The following TRIM72 variants were observed in gnomAD, a reference collection of about 807,000 sequenced individuals.
TRIM72 encodes tripartite motif-containing protein 72.
TRIM72 carries 33 observed loss-of-function variants against 31.6 expected under a neutral mutation model. The ratio of observed to expected loss-of-function variants is 1.04; its 90% CI spans 0.79 to 1.40. The LOEUF (loss-of-function observed/expected upper bound fraction) is 1.40, where lower values mean the gene tolerates loss of function less well. Ranked by LOEUF, TRIM72 falls within the 40% of genes most tolerant of loss-of-function variation. TRIM72 has a pLI of 0.00. For synonymous variants in TRIM72, 301 were observed against 314.4 expected, an observed-to-expected ratio of 0.96 and a Z score of 0.45; for missense variants, 666 against 682.7, an observed-to-expected ratio of 0.98 and a Z score of 0.27.
rs2079557746 is a variant in TRIM72 at position 31,227,301 on chromosome 16, A to C, written c.*2546A>C. 6.6e-6 allele frequency: 1 copy of C among 152,234 alleles called. No individual in the cohort carries two copies. Among genetic ancestry groups the C allele is most frequent in the East Asian group, 1.9e-4 (1 of 5,202 alleles). The allele number at this position is 152,234 out of a possible 1,614,324, so 9.4% of individuals were successfully genotyped here. A position where few individuals can be genotyped will look rare whatever the true frequency, so the allele number is the denominator to read the frequency against. On this transcript the variant is annotated 3_prime_UTR_variant, in exon 7 of 7. Coordinates refer to ENST00000322122, the MANE Select transcript of TRIM72 (RefSeq NM_001008274.4). ...CGGGACTCAGTTGCTCAAAACTTTC[A>C]ACAACTCCCTCTTGCCTACAGGATA...
rs1596944280 is a variant in TRIM72 at position 31,224,927 on chromosome 16, A to G, written c.*172A>G. On this transcript the variant is annotated 3_prime_UTR_variant, in exon 7 of 7. Transcript: ENST00000322122. ...TGGGGTAGGACTGGCTTGGTGGCTC[A>G]TGCCTGTAATCCCAGCACTTTGGGA... 6.4e-6 allele frequency: 4 copies of G among 629,006 alleles called. No individual in the cohort carries two copies. Among genetic ancestry groups the G allele is most frequent in the African/African-American group, 1.9e-5 (1 of 52,402 alleles). The allele number at this position is 629,006 out of a possible 1,614,324, so 39.0% of individuals were successfully genotyped here.
chr16:31,222,074 C>T (rs372548040), intron 5 of TRIM72, among the ~76,000 whole-genome samples: 1 of 152,118 alleles, frequency 6.6e-6, no homozygotes. Context: ...AGGCTTGGAC[C>T]TTATCCCAAC....
chr16:31,224,135 A>T lies in TRIM72; in HGVS notation c.860-46A>T, dbSNP rs2079544872. 1.9e-6 allele frequency: 3 copies of T among 1,578,954 alleles called. No homozygotes were observed. In the East Asian group the frequency reaches 6.8e-5, roughly 36 times the overall value. Reference sequence around the variant, plus strand: ...CTGCAATTGGTTGGGAGAAGACCCCAGCGAGGCAGAAACCTAGGGTTTTCT... The same window carrying T: ...CTGCAATTGGTTGGGAGAAGACCCCTGCGAGGCAGAAACCTAGGGTTTTCT... On this transcript the variant is annotated intron_variant, in intron 6 of 6. Transcript: ENST00000322122.
At chr16:31,221,523 AGGGAGAAGGGCATTGTG>A (rs1217841452) in intron 5 of TRIM72, among the ~76,000 whole-genome samples, 22 of 82,662 alleles carry the variant, frequency 2.7e-4, no homozygotes, top group African/African-American at 7.1e-4. Context: ...AGGGCATTGC[AGGGAGAAGGGCATTGTG>A]GGGAGAAGGG....
Position 31,224,618 on chromosome 16 carries a change from G to A in TRIM72, c.1297G>A (p.Asp433Asn), listed in dbSNP as rs1395781107. 1.3e-6 allele frequency: 2 copies of A among 1,551,720 alleles called. No individual in the cohort carries two copies. The highest frequency in any genetic ancestry group is 2.4e-5 in the East Asian group (1 of 41,746). ...VLSFYDASDADALVPLFAFHE... is the reference protein window; with the variant it reads ...VLSFYDASDANALVPLFAFHE... ...CTCCTTCTACGATGCCAGCGACGCCGACGCGCTCGTGCCGCTTTTTGCCTT... is the reference window on the plus strand; with the variant it reads ...CTCCTTCTACGATGCCAGCGACGCCAACGCGCTCGTGCCGCTTTTTGCCTT... Residue 433 changes from aspartate to asparagine, a missense_variant, in exon 7 of 7, where the codon GAC (aspartate) becomes AAC (asparagine). Asp to Asn is a conservative substitution (Grantham distance 23, BLOSUM62 1). Coordinates refer to ENST00000322122, the MANE Select transcript of TRIM72 (RefSeq NM_001008274.4).
Position 31,219,633 on chromosome 16 carries a change from C to T in TRIM72, c.717+114C>T. 1.0e-6 allele frequency: 1 copy of T among 982,772 alleles called. No homozygotes were observed. Among genetic ancestry groups the T allele is most frequent in the African/African-American group, 1.7e-5 (1 of 60,310 alleles). 60.9% of individuals were successfully genotyped at this position (982,772 alleles called of 1,614,324 possible). On this transcript the variant is annotated intron_variant, in intron 4 of 6. Coordinates refer to ENST00000322122, the MANE Select transcript of TRIM72 (RefSeq NM_001008274.4). The surrounding 1 kb of genome is among the most constrained non-coding windows in gnomAD (Gnocchi z 4.2). ...GCAGGGATAAGCCAGCAGCACACAG[C>T]CGGGAGGGGCAGGCCTCAGGACTGC...
Position 31,219,423 on chromosome 16 carries a change from G to A in TRIM72, c.621G>A (p.Arg207=). Reference sequence around the variant, plus strand: ...GTGAGGCAGGGGTCGCCTTGCGCCGGGAGCTGGGGAGCCTGAACTCTTACC... The same window carrying A: ...GTGAGGCAGGGGTCGCCTTGCGCCGAGAGCTGGGGAGCCTGAACTCTTACC... The part of the protein sequence containing the change: ...VRGEAGVALR[R]ELGSLNSYLE... The change falls in exon 4 of 7, where the codon CGG becomes CGA. Residue 207 remains arginine (R), a synonymous_variant. Transcript: ENST00000322122. The surrounding 1 kb of genome is among the most constrained non-coding windows in gnomAD (Gnocchi z 4.2). 1 of 1,613,298 alleles carries A rather than the reference G, an allele frequency of 6.2e-7. No individual in the cohort carries two copies. The highest frequency in any genetic ancestry group is 1.1e-5 in the South Asian group (1 of 91,058).
At position 31,222,861 on chromosome 16, in the gene TRIM72, G is replaced by A. The variant is rs775787122; in HGVS notation, c.775G>A (p.Ala259Thr). The change falls in exon 6 of 7, where the codon GCC becomes ACC. Residue 259 changes from alanine to threonine, a missense_variant. By Grantham distance (58) the Ala-to-Thr change is moderately conservative. Coordinates refer to ENST00000322122, the MANE Select transcript of TRIM72 (RefSeq NM_001008274.4). ...GATCCTGGCAGAGTCTCCCCCACCC[G>A]CCCGTCTGGACATCCAGCTGCCAAT... ...QKILAESPPP[A>T]RLDIQLPIIS... is the part of the protein sequence containing the mutation. The A allele has an allele frequency of 2.3e-5, 24 of 1,023,826 alleles. No individual in the cohort carries two copies. The highest frequency in any genetic ancestry group is 1.3e-4 in the African/African-American group (5 of 37,704). The allele number at this position is 1,023,826 out of a possible 1,614,324, so 63.4% of individuals were successfully genotyped here.
chr16:31,217,018 T>C (rs761070959), intron 2 of TRIM72: 3 of 1,612,340 alleles, frequency 1.9e-6, no homozygotes, highest in Admixed American at 1.7e-5. Flanking sequence ...GGCCTCGCGC[T>C]TCGTTCCCAT....
intron 2 of TRIM72, chr16:31,217,378 A>G (rs2079515075): frequency 4.4e-6 from 1 of 228,466 alleles, no homozygotes. Flanking sequence ...ATGGTTGCTC[A>G]TGCTTGTAGT....
rs982271982 is a variant in TRIM72, at chr16:31,230,741, A to AAG, written c.*5987_*5988insGA. 8 of 151,214 alleles carry AAG rather than the reference A, an allele frequency of 5.3e-5. No homozygotes were observed. The highest frequency in any genetic ancestry group is 1.9e-4 in the African/African-American group (8 of 41,180). 9.4% of individuals were successfully genotyped at this position (151,214 alleles called of 1,614,324 possible). A position where few individuals can be genotyped will look rare whatever the true frequency, so the allele number is the denominator to read the frequency against. On this transcript the variant is annotated 3_prime_UTR_variant, in exon 7 of 7. Coordinates refer to ENST00000322122, the MANE Select transcript of TRIM72 (RefSeq NM_001008274.4). ...ACTCCGCCTCAAAAAAAAAAAAAAA[A>AAG]AAAGGTAACCGGACTCTTTGTTCAG...
rs1288507691 is a variant in TRIM72 at position 31,216,494 on chromosome 16, A to C, written c.390+1366A>C. On this transcript the variant is annotated intron_variant, in intron 2 of 6. Coordinates refer to ENST00000322122, the MANE Select transcript of TRIM72 (RefSeq NM_001008274.4). This position sits in a 1 kb window ranked among gnomAD's most constrained non-coding sequence, Gnocchi z 6.7. Reference sequence around the variant, plus strand: ...CAACCTTGCCCGTCTTTATCTGCGAAGAAAGCACAGAACCCATGAAACGGA... The same window carrying C: ...CAACCTTGCCCGTCTTTATCTGCGACGAAAGCACAGAACCCATGAAACGGA... 2.4e-6 allele frequency: 1 copy of C among 416,620 alleles called. No homozygotes were observed. The highest frequency in any genetic ancestry group is 4.2e-6 in the Non-Finnish European group (1 of 236,300). The allele number at this position is 416,620 out of a possible 1,614,324, so 25.8% of individuals were successfully genotyped here. A position where few individuals can be genotyped will look rare whatever the true frequency, so the allele number is the denominator to read the frequency against.
At chr16:31,214,709 T>A (rs1480258921) in intron 1 of TRIM72, 23 bp from the exon 2 acceptor site, 1 of 1,544,594 alleles carries the variant, frequency 6.5e-7, no homozygotes, top group African/African-American at 1.4e-5. Context: ...GGGGTCCCCC[T>A]AACCTACTCC....
At chr16:31,217,115 G>T in intron 2 of TRIM72, 1 of 1,392,148 alleles carries the variant, frequency 7.2e-7, no homozygotes, top group Non-Finnish European at 9.8e-7. Context: ...CCGCCCCCGG[G>T]GATGTCCCGG....
rs2079549794 is a variant in TRIM72 at position 31,224,816 on chromosome 16, CG to C, written c.*64del. 7.9e-6 allele frequency: 11 copies of C among 1,390,570 alleles called. No homozygotes were observed. The highest frequency in any genetic ancestry group is 1.0e-5 in the Non-Finnish European group (11 of 1,072,938). The allele number at this position is 1,390,570 out of a possible 1,614,324, so 86.1% of individuals were successfully genotyped here. On this transcript the variant is annotated 3_prime_UTR_variant, in exon 7 of 7. Coordinates refer to ENST00000322122, the MANE Select transcript of TRIM72 (RefSeq NM_001008274.4). ...GGGTTGAAGCTTAGGTCTCCTTGGTCGGGTCTGACGGGAGAAGGGTGGGGAG... is the reference window on the plus strand; with the variant it reads ...GGGTTGAAGCTTAGGTCTCCTTGGTCGGTCTGACGGGAGAAGGGTGGGGAG...
At position 31,216,518 on chromosome 16, in the gene TRIM72, G is replaced by A. The variant is rs1399114832; in HGVS notation, c.390+1390G>A. 4 of 535,220 alleles carry A rather than the reference G, an allele frequency of 7.5e-6. No homozygotes were observed. Among genetic ancestry groups the A allele is most frequent in the Non-Finnish European group, 1.3e-5 (4 of 303,556 alleles). 33.2% of individuals were successfully genotyped at this position (535,220 alleles called of 1,614,324 possible). On this transcript the variant is annotated intron_variant, in intron 2 of 6. Transcript: ENST00000322122. The surrounding 1 kb of genome is among the most constrained non-coding windows in gnomAD (Gnocchi z 6.7). ...AAGAAAGCACAGAACCCATGAAACG[G>A]AACAGGGCCCAGGCAGCCCAGGAGC...
At chr16:31,222,485 T>C (rs1345200670) in intron 5 of TRIM72, among the ~76,000 whole-genome samples, 1 of 143,150 alleles carries the variant, frequency 7.0e-6, no homozygotes, top group African/African-American at 2.6e-5. Flanking sequence ...TCTTCTTCTT[T>C]TTTTTTTTTT....
intron 6 of TRIM72, among the ~76,000 whole-genome samples, chr16:31,223,632 G>T (rs995029639): frequency 6.6e-6 from 1 of 152,140 alleles, no homozygotes; most frequent in African/African-American, 2.4e-5. Context: ...GGCCAGGCTC[G>T]GTGGCTCACG....
Position 31,216,856 on chromosome 16 carries a change from G to A in TRIM72, c.390+1728G>A, listed in dbSNP as rs1207869453. The A allele has an allele frequency of 6.2e-7, 1 of 1,613,740 alleles. No homozygotes were observed. Among genetic ancestry groups the A allele is most frequent in the Admixed American group, 1.7e-5 (1 of 60,008 alleles). ...GGCTGCGTAGTCCTCGTAGTAGGAG[G>A]CGACCAGCTTGTCGGTGAGGTCCAC... is the stretch of plus-strand genomic sequence containing the variant. On this transcript the variant is annotated intron_variant, in intron 2 of 6. Transcript: ENST00000322122. The surrounding 1 kb of genome is among the most constrained non-coding windows in gnomAD (Gnocchi z 6.7).
Sources: allele counts gnomAD v4.1 joint callset (sites outside exome capture counted in the v4.1 genomes callset), GRCh38; gene constraint gnomAD v4.1.1; non-coding constraint Gnocchi (gnomAD v3.1); transcripts MANE v1.5; gene names NCBI Gene and HGNC (gene_info 2026-07-23, HGNC 2026-07-21).